NIPBL: variants seen among roughly 807,000 people sequenced by gnomAD.
NIPBL encodes the protein NIPBL cohesin loading factor, also known as nipped-B-like protein.
Under a neutral mutation model 321.8 loss-of-function variants are expected in NIPBL, and 19 were observed. That is an observed-to-expected ratio of 0.06 (90% CI 0.04 to 0.09). The LOEUF is 0.09. NIPBL is among the 10% of genes least tolerant of loss of function. The pLI is 1.00. For missense variants in NIPBL, 2,210 were observed against 3,327.0 expected (o/e 0.66, Z 8.26); for synonymous variants, 1,106 against 1,114.1 (o/e 0.99, Z 0.14).
At chr5:36,947,554 T>C (rs893828832) in intron 1 of NIPBL, among the ~76,000 whole-genome samples, 1 of 152,078 alleles carries the variant, frequency 6.6e-6, no homozygotes, top group Non-Finnish European at 1.5e-5. Flanking sequence ...TGTTTATGAA[T>C]ATACCTTGCA....
intron 1 of NIPBL, among the ~76,000 whole-genome samples, chr5:36,927,625 G>A (rs1749461848): frequency 6.6e-6 from 1 of 152,108 alleles, no homozygotes; most frequent in Non-Finnish European, 1.5e-5. Context: ...CAAAGGAACT[G>A]GACAAATGAG....
At chr5:37,018,135 A>G (rs956574834) in intron 24 of NIPBL, among the ~76,000 whole-genome samples, 2 of 152,146 alleles carry the variant, frequency 1.3e-5, no homozygotes, top group African/African-American at 4.8e-5. Flanking sequence ...CCCTCCCTGG[A>G]CCTACTGAAT....
At chr5:36,995,040 C>G (rs1187030461) in intron 10 of NIPBL, 1 of 152,224 alleles carries the variant, frequency 6.6e-6, no homozygotes. Flanking sequence ...TGAAGAAGTT[C>G]TCCGTAATGC....
chr5:36,992,709 A>ATTTT (rs1355684646), intron 10 of NIPBL, among the ~76,000 whole-genome samples: 13 of 132,456 alleles, frequency 9.8e-5, no homozygotes, highest in African/African-American at 2.4e-4. Flanking sequence ...AAAGTCATGC[A>ATTTT]TTTTATTTAT....
At chr5:36,970,690 G>A (rs572533599) in intron 6 of NIPBL, among the ~76,000 whole-genome samples, 186 bp from the exon 7 acceptor site, 1 of 152,060 alleles carries the variant, frequency 6.6e-6, no homozygotes, top group East Asian at 1.9e-4. Flanking sequence ...TAATGTTTTA[G>A]TTCTTTTCAA....
At position 37,006,520 on chromosome 5, in the gene NIPBL, C is replaced by G. The variant is rs752472468; in HGVS notation, c.4019C>G (p.Thr1340Ser). The G allele has an allele frequency of 6.2e-7, 1 of 1,611,930 alleles. No individual in the cohort carries two copies. Among genetic ancestry groups the G allele is most frequent in the Non-Finnish European group, 8.5e-7 (1 of 1,178,470 alleles). Residue 1340 changes from threonine to serine, a missense_variant, in exon 17 of 47, where the codon ACT (threonine) becomes AGT (serine). Transcript: ENST00000282516. ...EDVIERVIQY[T>S]KFHLQNTLYP... ...GTAATTGAAAGAGTTATACAGTACACTAAATTTCATTTGCAGAATACACTT... is the reference window on the plus strand; with the variant it reads ...GTAATTGAAAGAGTTATACAGTACAGTAAATTTCATTTGCAGAATACACTT...
At position 37,060,855 on chromosome 5, in the gene NIPBL, A is replaced by G. The variant is rs1216631170; in HGVS notation, c.7697A>G (p.Lys2566Arg). ...TTTTCCCAAAACAGTAAAATTCAGAAGTACTCTCCATCTGAATCTGCAAAA... is the reference window on the plus strand; with the variant it reads ...TTTTCCCAAAACAGTAAAATTCAGAGGTACTCTCCATCTGAATCTGCAAAA... ...LCGFSDSKIQKYSPSESAKVY... is the reference protein window; with the variant it reads ...LCGFSDSKIQRYSPSESAKVY... The change falls in exon 45 of 47, where the codon AAG becomes AGG. Residue 2566 changes from lysine to arginine, a missense_variant. Coordinates refer to ENST00000282516, the MANE Select transcript of NIPBL (RefSeq NM_133433.4). 1.2e-6 allele frequency: 2 copies of G among 1,613,284 alleles called. No homozygotes were observed. The highest frequency in any genetic ancestry group is 1.7e-5 in the Admixed American group (1 of 59,972).
At chr5:36,955,706 C>CT (rs1561074865) in intron 3 of NIPBL, 69 bp downstream of exon 3, 42 of 1,289,016 alleles carry the variant, frequency 3.3e-5, no homozygotes, top group Non-Finnish European at 4.7e-5. Flanking sequence ...ATCCGTATTC[C>CT]TGGTTTTATT....
At chr5:36,971,289 A>G (rs1180773340) in intron 7 of NIPBL, among the ~76,000 whole-genome samples, 3 of 151,724 alleles carry the variant, frequency 2.0e-5, no homozygotes, top group African/African-American at 7.3e-5. Context: ...AATGTGATAG[A>G]GACTGTATGT....
chr5:36,984,858 G>T lies in NIPBL; in HGVS notation c.1678G>T (p.Asp560Tyr). The T allele has an allele frequency of 6.2e-7, 1 of 1,613,752 alleles. No individual in the cohort carries two copies. Among genetic ancestry groups the T allele is most frequent in the South Asian group, 1.1e-5 (1 of 91,072 alleles). ...RVDSQASITQDSDSIKKPEEI... is the reference protein window; with the variant it reads ...RVDSQASITQYSDSIKKPEEI... ...GGACTCTCAGGCTTCTATAACTCAG[G>T]ATTCAGACTCCATAAAAAAGCCTGA... The change falls in exon 10 of 47, where the codon GAT becomes TAT. Residue 560 changes from aspartate to tyrosine, a missense_variant. By Grantham distance (160) the Asp-to-Tyr change is radical. Around this residue, in one of 14 missense-constraint regions of NIPBL, gnomAD observed 588 missense variants for 564.1 expected, o/e 1.04. Transcript: ENST00000282516.
intron 45 of NIPBL, among the ~76,000 whole-genome samples, chr5:37,063,123 G>A (rs1579624645): frequency 6.6e-6 from 1 of 152,124 alleles, no homozygotes; most frequent in Non-Finnish European, 1.5e-5. Flanking sequence ...CAGATCACTC[G>A]AGGCCAGAGG....
At chr5:37,038,567 A>G (rs1262721931) in intron 33 of NIPBL, 35 bp from the exon 34 acceptor site, 1 of 1,602,384 alleles carries the variant, frequency 6.2e-7, no homozygotes, top group East Asian at 2.2e-5. Flanking sequence ...ACCTTGTCAT[A>G]TTTTAGTGTC....
intron 1 of NIPBL, among the ~76,000 whole-genome samples, chr5:36,931,015 C>T (rs1159948725): frequency 6.6e-6 from 1 of 152,126 alleles, no homozygotes; most frequent in Non-Finnish European, 1.5e-5. Flanking sequence ...TTGTCTCTGT[C>T]TGGCTTTGGT....
At chr5:37,045,320 C>T (rs1171927546) in intron 36 of NIPBL, 123 bp from the exon 37 acceptor site, 1 of 706,382 alleles carries the variant, frequency 1.4e-6, no homozygotes, top group African/African-American at 1.8e-5. Context: ...TGTCACTGCA[C>T]TCCAGCCTGG....
chr5:36,907,523 G>A (rs1747729941), intron 1 of NIPBL, among the ~76,000 whole-genome samples: 1 of 152,104 alleles, frequency 6.6e-6, no homozygotes, highest in South Asian at 2.1e-4. Flanking sequence ...AGCTTCGGGA[G>A]TATTATATGC....
rs1746161568 is a variant in NIPBL at position 36,996,540 on chromosome 5, C to G, written c.3304+736C>G. ...ATCACCTGTCTTTGCACTAGACTTGCTATACCTCGCCTGTCTTCCTACTGG... is the reference window on the plus strand; with the variant it reads ...ATCACCTGTCTTTGCACTAGACTTGGTATACCTCGCCTGTCTTCCTACTGG... On this transcript the variant is annotated intron_variant, in intron 11 of 46. Coordinates refer to ENST00000282516, the MANE Select transcript of NIPBL (RefSeq NM_133433.4). The surrounding 1 kb of genome is among the most constrained non-coding windows in gnomAD (Gnocchi z 5.0). 4.4e-6 allele frequency: 2 copies of G among 456,244 alleles called. No individual in the cohort carries two copies. The highest frequency in any genetic ancestry group is 2.0e-5 in the African/African-American group (1 of 50,026). 28.3% of individuals were successfully genotyped at this position (456,244 alleles called of 1,614,324 possible).
At chr5:36,994,083 C>T (rs1745857651) in intron 10 of NIPBL, among the ~76,000 whole-genome samples, 1 of 152,114 alleles carries the variant, frequency 6.6e-6, no homozygotes, top group African/African-American at 2.4e-5. Flanking sequence ...CAATGCAAAG[C>T]TAAAGTTGAC....
chr5:36,885,821 A>T (rs551754576), intron 1 of NIPBL: 110 of 665,442 alleles, frequency 1.7e-4, no homozygotes, highest in East Asian at 1.7e-4. Flanking sequence ...CGAGGCTCTC[A>T]GGGAGGAGCT....
chr5:36,895,945 T>TAA (rs964467116), intron 1 of NIPBL, among the ~76,000 whole-genome samples: 2 of 152,228 alleles, frequency 1.3e-5, no homozygotes, highest in Non-Finnish European at 1.5e-5. Context: ...TTGAAGCACA[T>TAA]ACATTTTTAA....
Sources: gnomAD v4.1 joint callset for allele counts (sites outside exome capture counted in the v4.1 genomes callset) on GRCh38, gnomAD v4.1.1 for gene constraint, gnomAD v4.1.1 regional missense constraint, Gnocchi (gnomAD v3.1) non-coding constraint, MANE v1.5 for transcripts, NCBI Gene and HGNC (gene_info 2026-07-23, HGNC 2026-07-21) for gene names.